The following CREB5 variants were observed in gnomAD, a reference collection of about 807,000 sequenced individuals.
The protein encoded by CREB5 is cAMP responsive element binding protein 5.
In CREB5, 19 loss-of-function variants were observed where a neutral mutation model predicts 57.1. The ratio of observed to expected loss-of-function variants is 0.33; its 90% confidence interval spans 0.23 to 0.49. The LOEUF (loss-of-function observed/expected upper bound fraction) is 0.49. Among genes scored for constraint, CREB5 ranks in the 20% least tolerant of loss-of-function variants. The pLI is 0.99. For missense variants in CREB5, 579 were observed against 671.6 expected (o/e 0.86, Z 1.52); for synonymous variants, 238 against 238.3 (o/e 1.00, Z 0.01).
At chr7:28,526,212 CTGT>C (rs1260418439) in intron 4 of CREB5, among the ~76,000 whole-genome samples, 4 of 152,194 alleles carry the variant, frequency 2.6e-5, no homozygotes, top group Non-Finnish European at 5.9e-5. Flanking sequence ...AATAATCTTT[CTGT>C]TGTTACAGGT....
intron 1 of CREB5, among the ~76,000 whole-genome samples, chr7:28,330,585 G>A (rs1375914113): frequency 6.7e-6 from 1 of 150,028 alleles, no homozygotes; most frequent in African/African-American, 2.4e-5. Context: ...TTTGTAATAC[G>A]CTTAGATCTT....
chr7:28,742,459 G>T (rs962698433), intron 7 of CREB5, among the ~76,000 whole-genome samples: 2 of 151,856 alleles, frequency 1.3e-5, no homozygotes, highest in East Asian at 3.9e-4. Context: ...CCAGCTACTC[G>T]GGAGGCTGAG....
At position 28,433,252 on chromosome 7, in the gene CREB5, G is replaced by A. The variant is rs954405159; in HGVS notation, c.3+20335G>A. On this transcript the variant is annotated intron_variant, in intron 1 of 10. Transcript: ENST00000357727. ...CAACAGCTTGTACTGATTGCCCCAC[G>A]AATATCCAGGCTATGCAATAGTGCC... Among the ~76,000 whole-genome samples, 11 of 152,222 alleles carry A rather than the reference G, an allele frequency of 7.2e-5. No individual in the cohort carries two copies. The East Asian group carries it at 1.7e-3, about 24-fold the overall frequency.
chr7:28,445,615 G>A lies in CREB5; in HGVS notation c.3+32698G>A, dbSNP rs185852856. On this transcript the variant is annotated intron_variant, in intron 1 of 10. Coordinates refer to ENST00000357727, the MANE Select transcript of CREB5 (RefSeq NM_182898.4). ...TGCCCAGGCTGGAGTGCAGTGGCGC[G>A]ATCTCGGCTCACTGCAAGCTCCGCC... 7.8e-3 allele frequency among the ~76,000 whole-genome samples: 1,181 copies of A among 151,662 alleles called. 11 individuals are homozygous for A. Among genetic ancestry groups the A allele is most frequent in the Non-Finnish European group, 0.013 (880 of 67,918 alleles).
At chr7:28,554,003 C>G (rs1794769639) in intron 4 of CREB5, among the ~76,000 whole-genome samples, 1 of 152,306 alleles carries the variant, frequency 6.6e-6, no homozygotes, top group South Asian at 2.1e-4. Flanking sequence ...GAACTTGACC[C>G]TCACTCCTGC....
chr7:28,662,604 C>T (rs1192141855), intron 5 of CREB5, among the ~76,000 whole-genome samples: 1 of 152,164 alleles, frequency 6.6e-6, no homozygotes, highest in African/African-American at 2.4e-5. Context: ...TACCTACAGA[C>T]GATGAGCTAC....
intron 1 of CREB5, among the ~76,000 whole-genome samples, chr7:28,300,348 C>T (rs907008549): frequency 3.3e-5 from 5 of 152,074 alleles, no homozygotes; most frequent in Non-Finnish European, 7.3e-5. Flanking sequence ...CATTTATATG[C>T]CGTCAAGGCA....
chr7:28,712,505 CA>C (rs1276322556), intron 5 of CREB5, among the ~76,000 whole-genome samples: 139 of 73,252 alleles, frequency 1.9e-3, no homozygotes, highest in African/African-American at 4.2e-3. Flanking sequence ...TGAAACTCCT[CA>C]AAAAAAAAAA....
In CREB5 at chr7:28,430,238, C is replaced by G. The variant is rs146498297; in HGVS notation, c.3+17321C>G. On this transcript the variant is annotated intron_variant, in intron 1 of 10. Coordinates refer to ENST00000357727, the MANE Select transcript of CREB5 (RefSeq NM_182898.4). ...TTTGTTGGGGAATTCATGAAAGAGG[C>G]CCCATCTTTATAGTTAACATTGCTG... is the stretch of plus-strand genomic sequence containing the variant. Among the ~76,000 whole-genome samples, 694 of 152,272 alleles carry G rather than the reference C, an allele frequency of 4.6e-3. 5 individuals are homozygous for G. The highest frequency in any genetic ancestry group is 0.016 in the African/African-American group (664 of 41,548).
Position 28,779,601 on chromosome 7 carries a change from TTAGA to T in CREB5, c.703-24594_703-24591del, listed in dbSNP as rs544726327. Among the ~76,000 whole-genome samples the T allele has an allele frequency of 2.1e-3, 315 of 152,286 alleles. 1 individual carries two copies. The highest frequency in any genetic ancestry group is 7.3e-3 in the African/African-American group (305 of 41,554). ...CCTGCTTTTGGTTAGGAAGGTAGACTTAGATAGGTAATAAATAATTGGGGTCACT... is the reference window on the plus strand; with the variant it reads ...CCTGCTTTTGGTTAGGAAGGTAGACTTAGGTAATAAATAATTGGGGTCACT... On this transcript the variant is annotated intron_variant, in intron 7 of 10. Coordinates refer to ENST00000357727, the MANE Select transcript of CREB5 (RefSeq NM_182898.4).
chr7:28,393,924 A>G (rs1787280702), intron 1 of CREB5, among the ~76,000 whole-genome samples: 1 of 151,860 alleles, frequency 6.6e-6, no homozygotes, highest in South Asian at 2.1e-4. Context: ...AAAATACTAA[A>G]ATTAGCCAGG....
In CREB5 at chr7:28,547,007, A is replaced by T. The variant is rs187350802; in HGVS notation, c.292-23358A>T. On this transcript the variant is annotated intron_variant, in intron 4 of 10. Transcript: ENST00000357727. ...TGGCCTTCCAGGCCATTATGAATGT[A>T]TGTATTTGTCAAGGTTGAAGGTAGA... Among the ~76,000 whole-genome samples the T allele has an allele frequency of 1.4e-3, 206 of 152,358 alleles. 1 individual carries two copies. Among genetic ancestry groups the T allele is most frequent in the African/African-American group, 4.7e-3 (195 of 41,584 alleles).
chr7:28,397,248 G>T (rs148324411), intron 1 of CREB5, among the ~76,000 whole-genome samples: 2 of 152,326 alleles, frequency 1.3e-5, no homozygotes, highest in Non-Finnish European at 2.9e-5. Context: ...AGTGCCTGGT[G>T]GCTGATTTAC....
intron 1 of CREB5, among the ~76,000 whole-genome samples, chr7:28,477,545 C>T (rs535209903): frequency 2.6e-5 from 4 of 152,298 alleles, no homozygotes; most frequent in Admixed American, 2.6e-4. Flanking sequence ...GAAAATGGTG[C>T]TGTTGTTTGG....
At chr7:28,492,715 CAAATA>C (rs1186079302) in intron 2 of CREB5, among the ~76,000 whole-genome samples, 4 of 148,250 alleles carry the variant, frequency 2.7e-5, no homozygotes, top group Non-Finnish European at 5.9e-5. Flanking sequence ...TTTGTATATA[CAAATA>C]TATATATAAA....
At chr7:28,650,591 T>TCC (rs573974970) in intron 5 of CREB5, among the ~76,000 whole-genome samples, 1 of 150,842 alleles carries the variant, frequency 6.6e-6, no homozygotes, top group Non-Finnish European at 1.5e-5. Flanking sequence ...GCCTAGTGCT[T>TCC]CCCCCCCCAA....
intron 4 of CREB5, among the ~76,000 whole-genome samples, chr7:28,560,342 A>G (rs1252628347): frequency 6.6e-6 from 1 of 152,080 alleles, no homozygotes; most frequent in Non-Finnish European, 1.5e-5. Flanking sequence ...TGCACAGGGG[A>G]TAGTGGTAGG....
intron 5 of CREB5, among the ~76,000 whole-genome samples, chr7:28,610,815 A>T (rs1797352881): frequency 2.0e-5 from 3 of 151,782 alleles, no homozygotes; most frequent in Non-Finnish European, 4.4e-5. Context: ...TAGAGAATAG[A>T]TTGTCTTGGC....
chr7:28,521,729 T>C (rs1793215878), intron 4 of CREB5, among the ~76,000 whole-genome samples: 1 of 152,182 alleles, frequency 6.6e-6, no homozygotes, highest in South Asian at 2.1e-4. Context: ...CCATGGTACT[T>C]CTGCACAATA....
Sources: allele counts gnomAD v4.1 joint callset (sites outside exome capture counted in the v4.1 genomes callset), GRCh38; gene constraint gnomAD v4.1.1; transcripts MANE v1.5; gene names NCBI Gene and HGNC (gene_info 2026-07-23, HGNC 2026-07-21).